The following PTPRM variants were observed in gnomAD, a reference collection of about 807,000 sequenced individuals.
PTPRM encodes receptor-type tyrosine-protein phosphatase mu.
A neutral mutation model predicts 186.7 loss-of-function variants in PTPRM; 47 were observed. That is an observed-to-expected ratio of 0.25 (90% CI 0.20 to 0.32). The LOEUF (loss-of-function observed/expected upper bound fraction) is 0.32. Among genes scored for constraint, PTPRM ranks in the 10% least tolerant of loss-of-function variants. PTPRM has a pLI of 1.00. For missense variants in PTPRM, 1,494 were observed against 1,865.0 expected, an observed-to-expected ratio of 0.80 and a Z score of 3.66; for synonymous variants, 668 against 674.9, an observed-to-expected ratio of 0.99 and a Z score of 0.16.
At position 7,567,780 on chromosome 18, in the gene PTPRM, C is replaced by A. The variant is rs757166989; in HGVS notation, c.-39C>A. The A allele has an allele frequency of 6.6e-7, 1 of 1,506,842 alleles. No individual in the cohort carries two copies. Among genetic ancestry groups the A allele is most frequent in the South Asian group, 1.3e-5 (1 of 77,930 alleles). The allele number at this position is 1,506,842 out of a possible 1,614,324, so 93.3% of individuals were successfully genotyped here. On this transcript the variant is annotated 5_prime_UTR_variant, in exon 1 of 33. Coordinates refer to ENST00000580170, the MANE Select transcript of PTPRM (RefSeq NM_001105244.2). The surrounding 1 kb of genome is among the most constrained non-coding windows in gnomAD (Gnocchi z 4.3). ...CCCCCTCCGCCCTCGCGCGCCCACCCACCGCCGCCGGGGAGCGGCCCGGCC... is the reference window on the plus strand; with the variant it reads ...CCCCCTCCGCCCTCGCGCGCCCACCAACCGCCGCCGGGGAGCGGCCCGGCC...
chr18:8,400,891 T>C (rs1026867644), intron 32 of PTPRM, among the ~76,000 whole-genome samples: 3 of 152,164 alleles, frequency 2.0e-5, no homozygotes, highest in African/African-American at 2.4e-5. Context: ...TGTGTGCATG[T>C]GTTGGGGTGG....
intron 1 of PTPRM, among the ~76,000 whole-genome samples, chr18:7,665,331 C>G (rs1378476468): frequency 6.6e-6 from 1 of 152,082 alleles, no homozygotes; most frequent in Non-Finnish European, 1.5e-5. Context: ...AAATCTCAGC[C>G]TTGAACTTTT....
chr18:8,185,941 G>T (rs2093636013), intron 14 of PTPRM, among the ~76,000 whole-genome samples: 1 of 152,136 alleles, frequency 6.6e-6, no homozygotes, highest in Non-Finnish European at 1.5e-5. Flanking sequence ...GGGAAATCTG[G>T]TTTCTAAATC....
In PTPRM at chr18:7,795,814, T is replaced by C. The variant is rs77822172; in HGVS notation, c.196+21543T>C. Among the ~76,000 whole-genome samples, 1,123 of 142,532 alleles carry C rather than the reference T, an allele frequency of 7.9e-3. 8 individuals carry two copies. Among genetic ancestry groups the C allele is most frequent in the African/African-American group, 0.028 (980 of 34,988 alleles). The allele number at this position is 142,532 out of a possible 152,430, so 93.5% of individuals were successfully genotyped here. The stretch of plus-strand genomic sequence containing the variant: ...GCATTTTTTCTTTCTTTCTTTCTTT[T>C]TTTTTTTTTTTTTTTAGAGAGACAG... On this transcript the variant is annotated intron_variant, in intron 2 of 32. Transcript: ENST00000580170.
intron 1 of PTPRM, among the ~76,000 whole-genome samples, chr18:7,772,345 CTTTCTCTTTCTTTCTTTCTTTCTTTCTT>C (rs1212114793): frequency 3.4e-5 from 4 of 116,592 alleles, no homozygotes; most frequent in Admixed American, 2.6e-4. Context: ...TTCTTTCTTT[CTTTCTCTTTCTTTCTTTCTTTCTTTCTT>C]TCTTTCTTTC....
intron 7 of PTPRM, among the ~76,000 whole-genome samples, chr18:8,019,845 T>C (rs941383733): frequency 2.0e-5 from 3 of 148,954 alleles, no homozygotes; most frequent in African/African-American, 4.9e-5. Flanking sequence ...TTTAAATATA[T>C]AAATTTAACT....
intron 14 of PTPRM, among the ~76,000 whole-genome samples, chr18:8,160,912 A>G (rs920014279): frequency 6.6e-6 from 1 of 152,320 alleles, no homozygotes; most frequent in East Asian, 1.9e-4. Context: ...CGCTTAGTGT[A>G]AGTGCCTAGT....
At chr18:7,785,440 TGAGA>T (rs10538608) in intron 2 of PTPRM, among the ~76,000 whole-genome samples, 18 of 150,972 alleles carry the variant, frequency 1.2e-4, no homozygotes, top group South Asian at 4.2e-4. Flanking sequence ...GTGTGTATGT[TGAGA>T]GAGAGAGAGA....
intron 11 of PTPRM, among the ~76,000 whole-genome samples, chr18:8,111,383 C>T (rs373107112): frequency 6.6e-6 from 1 of 152,134 alleles, no homozygotes; most frequent in African/African-American, 2.4e-5. Flanking sequence ...GAGGCCGAGG[C>T]GGGCGGATCA....
intron 19 of PTPRM, among the ~76,000 whole-genome samples, chr18:8,255,432 T>A (rs550028147): frequency 6.6e-6 from 1 of 152,320 alleles, no homozygotes; most frequent in African/African-American, 2.4e-5. Context: ...ATAAATATGA[T>A]TTATAAGTAT....
At chr18:7,789,783 T>C (rs1226681760) in intron 2 of PTPRM, among the ~76,000 whole-genome samples, 1 of 152,220 alleles carries the variant, frequency 6.6e-6, no homozygotes, top group Non-Finnish European at 1.5e-5. Context: ...CTTATCTTCA[T>C]AAAATGCCTA....
At chr18:7,910,553 G>T (rs1014604552) in intron 4 of PTPRM, among the ~76,000 whole-genome samples, 1 of 152,200 alleles carries the variant, frequency 6.6e-6, no homozygotes, top group African/African-American at 2.4e-5. Flanking sequence ...GTGGCCGATG[G>T]TCAGTCTGAT....
intron 1 of PTPRM, among the ~76,000 whole-genome samples, chr18:7,710,203 C>T (rs1022326303): frequency 3.9e-5 from 6 of 152,140 alleles, no homozygotes; most frequent in African/African-American, 1.4e-4. Context: ...ACATCATGAT[C>T]AAGTGGGTTT....
At chr18:7,716,294 A>G (rs1230308658) in intron 1 of PTPRM, among the ~76,000 whole-genome samples, 2 of 151,854 alleles carry the variant, frequency 1.3e-5, no homozygotes, top group Non-Finnish European at 2.9e-5. Context: ...GTGTTGGGAA[A>G]ACTGGCTAGC....
At chr18:7,706,601 C>CAAAAAAAAAAAAAAAAAAA (rs766639399) in intron 1 of PTPRM, among the ~76,000 whole-genome samples, 2 of 16,130 alleles carry the variant, frequency 1.2e-4, no homozygotes, top group Non-Finnish European at 1.3e-4. Flanking sequence ...GACCTTGTCT[C>CAAAAAAAAAAAAAAAAAAA]AAAAAAAAAA....
intron 20 of PTPRM, among the ~76,000 whole-genome samples, chr18:8,300,980 G>A (rs1258282865): frequency 6.6e-6 from 1 of 152,114 alleles, no homozygotes; most frequent in East Asian, 1.9e-4. Flanking sequence ...TTTCTTTATG[G>A]GCATAGTGAA....
rs375636138 is a variant in PTPRM at position 7,626,502 on chromosome 18, T to G, written c.73+58611T>G. ...GGACATGAGTGACCTGAAGAACCTGTATGGAGAGTGGAAGGGGCATACAGA... is the reference window on the plus strand; with the variant it reads ...GGACATGAGTGACCTGAAGAACCTGGATGGAGAGTGGAAGGGGCATACAGA... On this transcript the variant is annotated intron_variant, in intron 1 of 32. Coordinates refer to ENST00000580170, the MANE Select transcript of PTPRM (RefSeq NM_001105244.2). Among the ~76,000 whole-genome samples, 4 of 152,128 alleles carry G rather than the reference T, an allele frequency of 2.6e-5. No individual in the cohort carries two copies. The East Asian group carries it at 7.7e-4, about 29-fold the overall frequency.
chr18:8,171,187 G>T (rs565371217), intron 14 of PTPRM, among the ~76,000 whole-genome samples: 61 of 152,268 alleles, frequency 4.0e-4, no homozygotes, highest in Middle Eastern at 3.4e-3. Context: ...TCCTGCTAGA[G>T]AACTTTTTTT....
intron 1 of PTPRM, chr18:7,751,061 G>A (rs915518297): frequency 6.6e-6 from 1 of 150,736 alleles, no homozygotes; most frequent in Non-Finnish European, 1.5e-5. Context: ...TATGTGCCAT[G>A]GTAATGAGGA....
Sources: gnomAD v4.1 joint callset for allele counts (sites outside exome capture counted in the v4.1 genomes callset) on GRCh38, gnomAD v4.1.1 for gene constraint, Gnocchi (gnomAD v3.1) non-coding constraint, MANE v1.5 for transcripts, NCBI Gene and HGNC (gene_info 2026-07-23, HGNC 2026-07-21) for gene names.